DLC1: variants seen among roughly 807,000 people sequenced by gnomAD.
DLC1 encodes the protein DLC1 Rho GTPase activating protein, also known as rho GTPase-activating protein 7.
In DLC1, 54 loss-of-function variants were observed where a neutral mutation model predicts 140.3. The ratio of observed to expected loss-of-function variants is 0.38; its 90% CI spans 0.31 to 0.48. DLC1 has a LOEUF of 0.48. DLC1 is among the 20% of genes least tolerant of loss of function. DLC1 has a pLI of 0.96. For missense variants in DLC1, 2,536 were observed against 1,907.0 expected (o/e 1.33, Z -6.14); for synonymous variants, 986 against 728.1 (o/e 1.35, Z -5.70).
intron 2 of DLC1, among the ~76,000 whole-genome samples, chr8:13,451,037 CAAAAAAAAAAAAAAAAAAAAAAAAAAAA>C (rs1169620786): frequency 5.4e-5 from 1 of 18,380 alleles, no homozygotes; most frequent in South Asian, 3.6e-3. Flanking sequence ...GACTCCGTCT[CAAAAAAAAAAAAAAAAAAAAAAAAAAAA>C]AAAGAAAAAA....
intron 2 of DLC1, among the ~76,000 whole-genome samples, chr8:13,452,042 A>G (rs1799087265): frequency 6.6e-6 from 1 of 152,092 alleles, no homozygotes; most frequent in Non-Finnish European, 1.5e-5. Flanking sequence ...ATTGCCATTA[A>G]GTCTGGCTTG....
intron 5 of DLC1, among the ~76,000 whole-genome samples, chr8:13,302,710 A>G (rs1586097799): frequency 8.6e-6 from 1 of 116,662 alleles, no homozygotes; most frequent in African/African-American, 3.4e-5. Context: ...TTAGAAAGAT[A>G]CAAAAAAAAA....
chr8:13,415,565 AG>A (rs1481044460), intron 2 of DLC1, among the ~76,000 whole-genome samples: 2 of 151,856 alleles, frequency 1.3e-5, no homozygotes, highest in Non-Finnish European at 2.9e-5. Context: ...ACACCCGGCT[AG>A]TTTTTTGTAG....
At chr8:13,397,584 A>G (rs984939717) in intron 3 of DLC1, among the ~76,000 whole-genome samples, 6 of 152,000 alleles carry the variant, frequency 3.9e-5, no homozygotes, top group African/African-American at 1.4e-4. Flanking sequence ...ATCTCAATAC[A>G]TTGGGAGGCC....
At chr8:13,270,452 C>T (rs1357834825) in intron 5 of DLC1, among the ~76,000 whole-genome samples, 1 of 152,210 alleles carries the variant, frequency 6.6e-6, no homozygotes, top group Non-Finnish European at 1.5e-5. Context: ...CCCAGGCCTG[C>T]TGGTGCTGCT....
At chr8:13,176,066 C>A (rs934513525) in intron 5 of DLC1, among the ~76,000 whole-genome samples, 1 of 152,274 alleles carries the variant, frequency 6.6e-6, no homozygotes, top group Non-Finnish European at 1.5e-5. Context: ...TATTAAATTA[C>A]ATTTCTAGGA....
chr8:13,539,403 T>TG (rs533569757), intron 1 of DLC1, among the ~76,000 whole-genome samples: 50 of 152,104 alleles, frequency 3.3e-4, no homozygotes, highest in Non-Finnish European at 6.2e-4. Flanking sequence ...GGTTTCATCG[T>TG]GTTAGCCAAG....
At chr8:13,529,709 G>A (rs1339609915) in intron 1 of DLC1, among the ~76,000 whole-genome samples, 1 of 152,134 alleles carries the variant, frequency 6.6e-6, no homozygotes, top group Non-Finnish European at 1.5e-5. Flanking sequence ...AGAAAAAAGG[G>A]AGCACCTATC....
At chr8:13,147,544 T>A (rs1823522699) in intron 5 of DLC1, among the ~76,000 whole-genome samples, 1 of 152,198 alleles carries the variant, frequency 6.6e-6, no homozygotes, top group South Asian at 2.1e-4. Context: ...GCAGGCACTC[T>A]TATCTGGAAT....
chr8:13,177,204 A>G (rs1825803039), intron 5 of DLC1, among the ~76,000 whole-genome samples: 1 of 152,144 alleles, frequency 6.6e-6, no homozygotes, highest in African/African-American at 2.4e-5. Flanking sequence ...AAGATGAGAG[A>G]CAAAGTTTTG....
intron 5 of DLC1, among the ~76,000 whole-genome samples, chr8:13,210,554 A>G (rs543551150): frequency 6.6e-6 from 1 of 152,232 alleles, no homozygotes; most frequent in African/African-American, 2.4e-5. Context: ...ATAGAGGTCT[A>G]TCTTTCAAAA....
intron 5 of DLC1, among the ~76,000 whole-genome samples, chr8:13,279,131 G>A (rs953239826): frequency 5.3e-5 from 8 of 152,096 alleles, no homozygotes; most frequent in Admixed American, 1.3e-4. Context: ...ATAAAATAAC[G>A]AACAGGACCT....
chr8:13,497,536 C>G (rs1801569910), intron 2 of DLC1, among the ~76,000 whole-genome samples: 2 of 152,232 alleles, frequency 1.3e-5, no homozygotes, highest in East Asian at 1.9e-4. Context: ...GGCAACCATG[C>G]TATAGTGACA....
At chr8:13,500,815 C>T (rs1343770778) in intron 1 of DLC1, among the ~76,000 whole-genome samples, 1 of 41,160 alleles carries the variant, frequency 2.4e-5, no homozygotes, top group Non-Finnish European at 5.2e-5. Context: ...AAGCATAACA[C>T]ATACCATTTA....
At chr8:13,105,431 T>C (rs774196336) in intron 7 of DLC1, among the ~76,000 whole-genome samples, 7 of 152,130 alleles carry the variant, frequency 4.6e-5, no homozygotes, top group Non-Finnish European at 1.0e-4. Flanking sequence ...TATATATGAC[T>C]TCATCTTCCC....
intron 5 of DLC1, among the ~76,000 whole-genome samples, chr8:13,193,390 A>C (rs1044150989): frequency 6.6e-6 from 1 of 152,170 alleles, no homozygotes; most frequent in Non-Finnish European, 1.5e-5. Context: ...TGATAAGACC[A>C]AAAAAGTCTT....
intron 5 of DLC1, among the ~76,000 whole-genome samples, chr8:13,266,027 A>G (rs145621153): frequency 4.6e-4 from 70 of 152,330 alleles, no homozygotes; most frequent in African/African-American, 1.5e-3. Context: ...TGCTGGAAAC[A>G]TAGTCTTAAG....
rs1424816169 is a variant in DLC1, at chr8:13,085,103, C to A, written c.*708G>T. The A allele has an allele frequency of 2.0e-5, 3 of 152,080 alleles. No individual in the cohort carries two copies. The highest frequency in any genetic ancestry group is 4.8e-5 in the African/African-American group (2 of 41,410). The allele number at this position is 152,080 out of a possible 1,614,324, so 9.4% of individuals were successfully genotyped here. ...ACTGCATTTGGAATGGGTGTAAGAG[C>A]CAACCTATTACAATCAAAGTACAGA... On this transcript the variant is annotated 3_prime_UTR_variant, in exon 18 of 18. Transcript: ENST00000276297.
intron 5 of DLC1, among the ~76,000 whole-genome samples, chr8:13,165,935 C>T (rs1038622494): frequency 3.3e-5 from 5 of 152,130 alleles, no homozygotes; most frequent in African/African-American, 1.2e-4. Context: ...AATCCAGGGT[C>T]ACTGATATGA....
Sources: allele counts gnomAD v4.1 joint callset (sites outside exome capture counted in the v4.1 genomes callset), GRCh38; gene constraint gnomAD v4.1.1; transcripts MANE v1.5; gene names NCBI Gene and HGNC (gene_info 2026-07-23, HGNC 2026-07-21).